TYW3: variants seen among roughly 807,000 people sequenced by gnomAD.
The protein encoded by TYW3 is tRNA-yW synthesizing protein 3 homolog.
In TYW3, 26 loss-of-function variants were observed where a neutral mutation model predicts 23.1. The ratio of observed to expected loss-of-function variants is 1.13; its 90% CI spans 0.83 to 1.56. The LOEUF is 1.56. Among genes scored for constraint, TYW3 ranks in the 40% most tolerant of loss-of-function variants. The probability of loss-of-function intolerance (pLI) is 0.00; values close to 1 mark genes in which losing one functional copy is unlikely to be tolerated. For missense variants in TYW3, 316 were observed against 311.9 expected (o/e 1.01, Z -0.10); for synonymous variants, 102 against 105.7 (o/e 0.97, Z 0.21).
rs1051258447 is a variant in TYW3 at position 74,763,765 on chromosome 1, T to G, written c.561-129T>G. 22 of 607,488 alleles carry G rather than the reference T, an allele frequency of 3.6e-5. No individual in the cohort carries two copies. In the African/African-American group the frequency reaches 3.7e-4, roughly 10 times the overall value. 37.6% of individuals were successfully genotyped at this position (607,488 alleles called of 1,614,324 possible). The stretch of plus-strand genomic sequence containing the variant: ...TATTTCCCTAATAAAACATATTATT[T>G]ATTTGATTTATATTTATAAAGCTAA... On this transcript the variant is annotated intron_variant, in intron 5 of 5. Coordinates refer to ENST00000370867, the MANE Select transcript of TYW3 (RefSeq NM_138467.3).
rs1472407976 is a variant in TYW3 at position 74,736,543 on chromosome 1, G to A, written c.176G>A (p.Gly59Asp). ...AAATTATGTTATTTTTTATTTTAGG[G>A]TATAAATGGTTTTGAGGTTCAGAAA... ...CAGRILLLDRGINGFEVQKQN... is the reference protein window; with the variant it reads ...CAGRILLLDRDINGFEVQKQN... The change falls in exon 2 of 6, where the codon GGT becomes GAT. Residue 59 changes from glycine (G) to aspartate (D), a missense_variant and splice_region_variant. Coordinates refer to ENST00000370867, the MANE Select transcript of TYW3 (RefSeq NM_138467.3). 16 of 1,590,512 alleles carry A rather than the reference G, an allele frequency of 1.0e-5. No homozygotes were observed. Among genetic ancestry groups the A allele is most frequent in the East Asian group, 2.3e-5 (1 of 44,226 alleles).
chr1:74,750,392 C>T (rs1648740765), intron 4 of TYW3: 1 of 152,086 alleles, frequency 6.6e-6, no homozygotes, highest in Non-Finnish European at 1.5e-5. Flanking sequence ...GGTGAAACCC[C>T]ATCTCTACTA....
intron 5 of TYW3, among the ~76,000 whole-genome samples, chr1:74,755,743 T>C (rs538983321): frequency 2.6e-4 from 40 of 152,268 alleles, no homozygotes; most frequent in African/African-American, 9.4e-4. Flanking sequence ...GAGCAGGGCC[T>C]AAAATGCAGG....
intron 3 of TYW3, among the ~76,000 whole-genome samples, chr1:74,742,379 C>A (rs138037595): frequency 2.8e-4 from 42 of 152,310 alleles, no homozygotes; most frequent in African/African-American, 7.2e-4. Context: ...TTTCCACTGG[C>A]TGGCTTTGGG....
intron 5 of TYW3, chr1:74,761,599 A>G (rs1271544930): frequency 6.6e-6 from 1 of 152,066 alleles, no homozygotes; most frequent in Non-Finnish European, 1.5e-5. Context: ...GAGCCACACC[A>G]TCTTGTGGCA....
chr1:74,752,165 G>A, intron 4 of TYW3, 127 bp from the exon 5 acceptor site: 2 of 923,968 alleles, frequency 2.2e-6, no homozygotes, highest in Non-Finnish European at 3.1e-6. Context: ...TTCTATCAAA[G>A]CGCTAACTTA....
intron 3 of TYW3, among the ~76,000 whole-genome samples, chr1:74,739,932 A>G (rs1199028149): frequency 1.3e-5 from 2 of 152,134 alleles, no homozygotes; most frequent in Non-Finnish European, 2.9e-5. Context: ...AGCCAGAGGG[A>G]GGAGGAGAAA....
intron 2 of TYW3, 42 bp from the exon 3 acceptor site, chr1:74,738,648 A>G (rs1255441100): frequency 1.4e-6 from 2 of 1,419,088 alleles, no homozygotes; most frequent in Non-Finnish European, 1.9e-6. Flanking sequence ...GCCAAAGGAC[A>G]GGCCATATAC....
chr1:74,744,227 T>C (rs2100761159), intron 3 of TYW3, among the ~76,000 whole-genome samples: 1 of 152,300 alleles, frequency 6.6e-6, no homozygotes, highest in South Asian at 2.1e-4. Flanking sequence ...TGTATTCTCC[T>C]TCAATGAAAA....
chr1:74,742,350 C>G (rs28879157), intron 3 of TYW3, among the ~76,000 whole-genome samples: 104,304 of 152,064 alleles, frequency 0.69, 35,941 homozygotes, highest in East Asian at 0.78. Context: ...TGAACAGTTT[C>G]GTGGAGGGTT....
At chr1:74,745,581 G>A (rs1332863524) in intron 3 of TYW3, among the ~76,000 whole-genome samples, 1 of 152,182 alleles carries the variant, frequency 6.6e-6, no homozygotes, top group Admixed American at 6.5e-5. Context: ...CAATCCTCTA[G>A]CTAGGCAGAA....
chr1:74,747,731 A>G (rs1648619358), intron 3 of TYW3, among the ~76,000 whole-genome samples: 1 of 151,134 alleles, frequency 6.6e-6, no homozygotes, highest in African/African-American at 2.4e-5. Flanking sequence ...ATGTATACAC[A>G]TATATACACA....
intron 5 of TYW3, among the ~76,000 whole-genome samples, chr1:74,755,916 G>T (rs1030439292): frequency 3.3e-5 from 5 of 152,184 alleles, no homozygotes; most frequent in Non-Finnish European, 7.3e-5. Flanking sequence ...CTGGAGGGAG[G>T]TAATTGAATT....
chr1:74,743,564 C>T (rs1040872145), intron 3 of TYW3, among the ~76,000 whole-genome samples: 1 of 152,176 alleles, frequency 6.6e-6, no homozygotes, highest in African/African-American at 2.4e-5. Context: ...CTTCCTTTCC[C>T]TGAGTTATGG....
chr1:74,734,040 C>A (rs1437588575), intron 1 of TYW3: 1 of 152,018 alleles, frequency 6.6e-6, no homozygotes, highest in Non-Finnish European at 1.5e-5. Context: ...ACATTTTCCA[C>A]TTATGACGGA....
intron 5 of TYW3, among the ~76,000 whole-genome samples, chr1:74,760,549 G>A (rs1649106958): frequency 6.6e-6 from 1 of 152,110 alleles, no homozygotes; most frequent in Admixed American, 6.6e-5. Flanking sequence ...ATAACGGAGA[G>A]CATTTTGTGA....
In TYW3 at chr1:74,752,332, A is replaced by G. The variant is rs764602853; in HGVS notation, c.467A>G (p.His156Arg). 2.5e-6 allele frequency: 4 copies of G among 1,613,320 alleles called. No homozygotes were observed. The highest frequency in any genetic ancestry group is 1.7e-5 in the Admixed American group (1 of 59,976). Residue 156 changes from histidine (H) to arginine (R), a missense_variant, in exon 5 of 6, where the codon CAT becomes CGT. By Grantham distance (29) the His-to-Arg change is conservative. Coordinates refer to ENST00000370867, the MANE Select transcript of TYW3 (RefSeq NM_138467.3). ...STHGLEVPLSHKGKLMVTEEY... is the reference protein window; with the variant it reads ...STHGLEVPLSRKGKLMVTEEY... Reference sequence around the variant, plus strand: ...CATGGCTTAGAAGTTCCATTAAGCCATAAGGGAAAACTGATGGTGACAGAG... The same window carrying G: ...CATGGCTTAGAAGTTCCATTAAGCCGTAAGGGAAAACTGATGGTGACAGAG...
intron 5 of TYW3, among the ~76,000 whole-genome samples, chr1:74,753,474 G>A (rs1055270015): frequency 1.3e-5 from 2 of 152,180 alleles, no homozygotes; most frequent in African/African-American, 2.4e-5. Context: ...TGCTAGTGGT[G>A]GCAGTGTAAA....
At chr1:74,739,937 G>A (rs1452777848) in intron 3 of TYW3, among the ~76,000 whole-genome samples, 1 of 152,164 alleles carries the variant, frequency 6.6e-6, no homozygotes, top group Admixed American at 6.5e-5. Context: ...GAGGGAGGAG[G>A]AGAAAGAGGA....
Sources: gnomAD v4.1 joint callset for allele counts (sites outside exome capture counted in the v4.1 genomes callset) on GRCh38, gnomAD v4.1.1 for gene constraint, MANE v1.5 for transcripts, NCBI Gene and HGNC (gene_info 2026-07-23, HGNC 2026-07-21) for gene names.